Variants in AKAP6 observed in about 807,000 individuals in gnomAD.
AKAP6 encodes A-kinase anchoring protein 6.
In AKAP6, 58 loss-of-function variants were observed where a neutral mutation model predicts 188.5. The observed-to-expected ratio is 0.31, with a 90% confidence interval of 0.25 to 0.38. AKAP6 has a LOEUF of 0.38. Among genes scored for constraint, AKAP6 ranks in the 10% least tolerant of loss-of-function variants. The probability of loss-of-function intolerance (pLI) is 1.00; values close to 1 mark genes in which losing one functional copy is unlikely to be tolerated. For missense variants in AKAP6, 2,710 were observed against 2,740.0 expected, an observed-to-expected ratio of 0.99 and a Z score of 0.24; for synonymous variants, 989 against 998.6, an observed-to-expected ratio of 0.99 and a Z score of 0.18.
chr14:32,494,510 A>T (rs1356211870), intron 2 of AKAP6: 2 of 152,162 alleles, frequency 1.3e-5, no homozygotes, highest in Non-Finnish European at 2.9e-5. Context: ...TATGTGTCAC[A>T]TTGTAAAGGA....
intron 7 of AKAP6, among the ~76,000 whole-genome samples, chr14:32,643,363 A>G (rs1226465729): frequency 6.6e-6 from 1 of 151,154 alleles, no homozygotes; most frequent in Non-Finnish European, 1.5e-5. Context: ...GCTGGAGTGC[A>G]GTGGCATGAT....
At chr14:32,665,058 C>G (rs66721154) in intron 7 of AKAP6, among the ~76,000 whole-genome samples, 36,205 of 151,938 alleles carry the variant, frequency 0.24, 5,298 homozygotes, top group South Asian at 0.37. Flanking sequence ...TGTGATTTTC[C>G]TCTACTCTCA....
chr14:32,766,619 T>C lies in AKAP6; in HGVS notation c.3373-7059T>C, dbSNP rs562018588. On this transcript the variant is annotated intron_variant, in intron 11 of 13. Transcript: ENST00000280979. Reference sequence around the variant, plus strand: ...TGATTGTGTTGAGCCTTTTTTCATATTTTTTTGCCATTTGTATGTGTTTGC... The same window carrying C: ...TGATTGTGTTGAGCCTTTTTTCATACTTTTTTGCCATTTGTATGTGTTTGC... Among the ~76,000 whole-genome samples the C allele has an allele frequency of 3.3e-5, 5 of 152,262 alleles. No homozygotes were observed. In the South Asian group the frequency reaches 1.0e-3, roughly 32 times the overall value.
intron 11 of AKAP6, among the ~76,000 whole-genome samples, chr14:32,750,738 T>G (rs1472994382): frequency 3.4e-5 from 1 of 29,236 alleles, no homozygotes. Context: ...ATTAATTTTG[T>G]TTTTTTTTTT....
At chr14:32,498,992 T>G (rs1176003401) in intron 2 of AKAP6, among the ~76,000 whole-genome samples, 1 of 152,054 alleles carries the variant, frequency 6.6e-6, no homozygotes, top group Non-Finnish European at 1.5e-5. Flanking sequence ...TCCTTTGCTT[T>G]CCATACTCTA....
chr14:32,416,366 G>T (rs922525728), intron 1 of AKAP6, among the ~76,000 whole-genome samples: 10 of 151,990 alleles, frequency 6.6e-5, no homozygotes, highest in African/African-American at 2.4e-4. Flanking sequence ...ATGTTTATTT[G>T]CCCATTTTTG....
At chr14:32,695,480 A>G (rs760792709) in intron 8 of AKAP6, among the ~76,000 whole-genome samples, 2 of 152,202 alleles carry the variant, frequency 1.3e-5, no homozygotes, top group Non-Finnish European at 1.5e-5. Context: ...GCTGATAGTG[A>G]TCCTTATACA....
At chr14:32,407,796 A>G (rs1889345446) in intron 1 of AKAP6, among the ~76,000 whole-genome samples, 1 of 152,120 alleles carries the variant, frequency 6.6e-6, no homozygotes, top group South Asian at 2.1e-4. Flanking sequence ...AAACCATACA[A>G]AATCCCCACG....
rs548546003 is a variant in AKAP6, at chr14:32,386,030, T to C, written c.-34-47430T>C. ...CTATATCTATATCTATCTATCTATC[T>C]ACATCTCACAGTTTCTTTATTTGGG... On this transcript the variant is annotated intron_variant, in intron 1 of 13. Coordinates refer to ENST00000280979, the MANE Select transcript of AKAP6 (RefSeq NM_004274.5). Among the ~76,000 whole-genome samples, 16 of 151,236 alleles carry C rather than the reference T, an allele frequency of 1.1e-4. No homozygotes were observed. The South Asian group carries it at 2.3e-3, about 22-fold the overall frequency.
intron 11 of AKAP6, among the ~76,000 whole-genome samples, chr14:32,765,495 C>G (rs932721558): frequency 2.0e-5 from 3 of 152,120 alleles, no homozygotes; most frequent in East Asian, 3.8e-4. Flanking sequence ...TGCTTTAACT[C>G]CTCTTTCAGA....
At chr14:32,772,658 C>G (rs2032935074) in intron 11 of AKAP6, among the ~76,000 whole-genome samples, 1 of 152,174 alleles carries the variant, frequency 6.6e-6, no homozygotes, top group Non-Finnish European at 1.5e-5. Flanking sequence ...AAGATTTCTT[C>G]TAATGAAGCC....
intron 9 of AKAP6, among the ~76,000 whole-genome samples, chr14:32,700,898 G>A (rs1382170103): frequency 6.6e-6 from 1 of 152,142 alleles, no homozygotes; most frequent in Non-Finnish European, 1.5e-5. Context: ...TAAGCAACAT[G>A]ATTTGTACAT....
chr14:32,555,365 T>C (rs1594740139), intron 4 of AKAP6, among the ~76,000 whole-genome samples: 1 of 152,154 alleles, frequency 6.6e-6, no homozygotes, highest in Non-Finnish European at 1.5e-5. Flanking sequence ...AGAGGTAGAA[T>C]GGGTCCAGAG....
intron 12 of AKAP6, among the ~76,000 whole-genome samples, chr14:32,780,749 C>T (rs1199026703): frequency 3.9e-5 from 6 of 152,058 alleles, no homozygotes; most frequent in Non-Finnish European, 7.4e-5. Context: ...AGCAATATAT[C>T]GAGACTCCAT....
At chr14:32,790,896 G>T (rs1477914523) in intron 12 of AKAP6, among the ~76,000 whole-genome samples, 2 of 152,150 alleles carry the variant, frequency 1.3e-5, no homozygotes, top group Non-Finnish European at 2.9e-5. Flanking sequence ...GTGTTAGTCT[G>T]CTGAGAGTGA....
chr14:32,786,298 CTTTTTT>C (rs1162974012), intron 12 of AKAP6, among the ~76,000 whole-genome samples: 2 of 82,552 alleles, frequency 2.4e-5, no homozygotes, highest in Non-Finnish European at 4.3e-5. Flanking sequence ...AAACCTTTAT[CTTTTTT>C]TTTTTTTTTT....
chr14:32,336,607 C>G (rs915342087), intron 1 of AKAP6, among the ~76,000 whole-genome samples: 1 of 152,154 alleles, frequency 6.6e-6, no homozygotes, highest in African/African-American at 2.4e-5. Flanking sequence ...TTAGTTCTTC[C>G]TTTTTTCTGA....
intron 7 of AKAP6, 70 bp from the exon 8 acceptor site, chr14:32,678,241 T>C: frequency 6.7e-7 from 1 of 1,491,614 alleles, no homozygotes; most frequent in Non-Finnish European, 9.1e-7. Flanking sequence ...ATTCTTTGAG[T>C]TGTTACACCT....
intron 2 of AKAP6, among the ~76,000 whole-genome samples, chr14:32,490,607 C>T (rs1879960485): frequency 6.6e-6 from 1 of 152,088 alleles, no homozygotes; most frequent in South Asian, 2.1e-4. Flanking sequence ...CAGGGCCTCT[C>T]CTCCTTAGTG....
Sources: gnomAD v4.1 joint callset for allele counts (sites outside exome capture counted in the v4.1 genomes callset) on GRCh38, gnomAD v4.1.1 for gene constraint, MANE v1.5 for transcripts, NCBI Gene and HGNC (gene_info 2026-07-23, HGNC 2026-07-21) for gene names.